Variants in GRM1 observed in about 807,000 individuals in gnomAD.
The protein encoded by GRM1 is metabotropic glutamate receptor 1.
In GRM1, 33 loss-of-function variants were observed where a neutral mutation model predicts 90.9. That is an observed-to-expected ratio of 0.36 (90% CI 0.28 to 0.49). GRM1 has a LOEUF of 0.49. Ranked by LOEUF, GRM1 falls within the 20% of genes least tolerant of loss-of-function variation. The pLI is 0.99. For synonymous variants in GRM1, 700 were observed against 613.2 expected (o/e 1.14, Z -2.09); for missense variants, 1,190 against 1,534.3 (o/e 0.78, Z 3.75).
intron 1 of GRM1, among the ~76,000 whole-genome samples, chr6:146,125,266 C>G (rs945409088): frequency 6.6e-6 from 1 of 152,090 alleles, no homozygotes; most frequent in South Asian, 2.1e-4. Context: ...TCAACTGTAA[C>G]AATTAAACAT....
At chr6:146,107,554 G>C (rs1486328243) in intron 1 of GRM1, among the ~76,000 whole-genome samples, 1 of 152,116 alleles carries the variant, frequency 6.6e-6, no homozygotes, top group Non-Finnish European at 1.5e-5. Context: ...AAATGGAACT[G>C]CAGTTGTCCC....
At chr6:146,149,017 T>A (rs1449027667) in intron 1 of GRM1, among the ~76,000 whole-genome samples, 3 of 152,228 alleles carry the variant, frequency 2.0e-5, no homozygotes, top group Non-Finnish European at 4.4e-5. Flanking sequence ...GATCTCCTTT[T>A]GTATTTTTAT....
rs1306096982 is a variant in GRM1, at chr6:146,260,000, CTA to C, written c.951-44609_951-44608del. On this transcript the variant is annotated intron_variant, in intron 2 of 7. Coordinates refer to ENST00000282753, the MANE Select transcript of GRM1 (RefSeq NM_001278064.2). The stretch of plus-strand genomic sequence containing the variant: ...TATATATATATATATGTTAGTGACA[CTA>C]TTTTATTTTTATTATTTTTTATTAT... 8.8e-5 allele frequency among the ~76,000 whole-genome samples: 13 copies of C among 148,450 alleles called. No homozygotes were observed. In the East Asian group the frequency reaches 9.8e-4, roughly 11 times the overall value.
chr6:146,361,615 A>G (rs1279436609), intron 5 of GRM1, among the ~76,000 whole-genome samples: 3 of 152,194 alleles, frequency 2.0e-5, no homozygotes, highest in African/African-American at 7.2e-5. Context: ...TGATTTACAG[A>G]CATCATTTCA....
At chr6:146,349,044 CTATTATTATTAT>C (rs71028388) in intron 3 of GRM1, among the ~76,000 whole-genome samples, 65 of 141,528 alleles carry the variant, frequency 4.6e-4, no homozygotes, top group South Asian at 1.4e-3. Context: ...GAAGTGGTAG[CTATTATTATTAT>C]TATTATTATT....
intron 1 of GRM1, among the ~76,000 whole-genome samples, chr6:146,117,766 G>C (rs960965146): frequency 6.6e-6 from 1 of 151,918 alleles, no homozygotes; most frequent in African/African-American, 2.4e-5. Context: ...CCCCCCATTT[G>C]CACATGTACA....
intron 5 of GRM1, among the ~76,000 whole-genome samples, chr6:146,361,261 G>C (rs1025484494): frequency 1.3e-5 from 2 of 152,208 alleles, no homozygotes; most frequent in Non-Finnish European, 2.9e-5. Context: ...GATGACAGAA[G>C]ATGAACGAGC....
chr6:146,087,610 C>T (rs1776589273), intron 1 of GRM1, among the ~76,000 whole-genome samples: 2 of 152,160 alleles, frequency 1.3e-5, no homozygotes, highest in Admixed American at 1.3e-4. Flanking sequence ...CTTACCTCAT[C>T]TCTAACCCCA....
intron 3 of GRM1, among the ~76,000 whole-genome samples, chr6:146,324,432 C>G (rs1391713448): frequency 3.3e-5 from 5 of 151,808 alleles, no homozygotes. Flanking sequence ...TCAGGCTCCA[C>G]TGGGGAAAAA....
At chr6:146,302,978 C>T (rs1422998700) in intron 2 of GRM1, among the ~76,000 whole-genome samples, 8 of 152,048 alleles carry the variant, frequency 5.3e-5, no homozygotes, top group Non-Finnish European at 8.8e-5. Flanking sequence ...GATTTGGAAG[C>T]ATATAAAAAA....
At chr6:146,416,325 A>G (rs1320160092) in intron 7 of GRM1, among the ~76,000 whole-genome samples, 1 of 152,088 alleles carries the variant, frequency 6.6e-6, no homozygotes, top group African/African-American at 2.4e-5. Context: ...ATTTATCAAA[A>G]TAATAATCAC....
At chr6:146,322,768 A>G (rs940773852) in intron 3 of GRM1, among the ~76,000 whole-genome samples, 4 of 151,142 alleles carry the variant, frequency 2.6e-5, no homozygotes, top group African/African-American at 9.7e-5. Context: ...CCCACCCCAC[A>G]GCAGTCCCCA....
chr6:146,091,115 G>T (rs1047047002), intron 1 of GRM1, among the ~76,000 whole-genome samples: 7 of 152,048 alleles, frequency 4.6e-5, no homozygotes, highest in Admixed American at 2.0e-4. Context: ...AGACAGAACT[G>T]CCCTGGTCAG....
intron 2 of GRM1, among the ~76,000 whole-genome samples, chr6:146,168,897 G>C (rs879413022): frequency 1.3e-5 from 2 of 152,004 alleles, no homozygotes; most frequent in Non-Finnish European, 2.9e-5. Flanking sequence ...CTAGTATTGA[G>C]TCATTTTATT....
At chr6:146,050,468 G>A (rs1791485630) in intron 1 of GRM1, among the ~76,000 whole-genome samples, 1 of 151,918 alleles carries the variant, frequency 6.6e-6, no homozygotes, top group Non-Finnish European at 1.5e-5. Context: ...GTAACTCCTG[G>A]AAATGATGAT....
intron 2 of GRM1, among the ~76,000 whole-genome samples, chr6:146,298,819 G>A (rs763641701): frequency 3.3e-5 from 5 of 152,106 alleles, no homozygotes; most frequent in South Asian, 2.1e-4. Context: ...AAATGGGACC[G>A]TCTTCTCGTA....
intron 1 of GRM1, among the ~76,000 whole-genome samples, chr6:146,104,272 C>G (rs1777149492): frequency 6.6e-6 from 1 of 151,994 alleles, no homozygotes; most frequent in Admixed American, 6.6e-5. Flanking sequence ...AACCCCGTCT[C>G]TACTAAAAAT....
chr6:146,301,299 T>C (rs1783369641), intron 2 of GRM1, among the ~76,000 whole-genome samples: 1 of 152,216 alleles, frequency 6.6e-6, no homozygotes. Context: ...AGACTTAGAA[T>C]TCCAGACCAC....
intron 7 of GRM1, among the ~76,000 whole-genome samples, chr6:146,413,449 A>T (rs1237341867): frequency 6.6e-6 from 1 of 152,134 alleles, no homozygotes; most frequent in Non-Finnish European, 1.5e-5. Context: ...CTTGAATTAC[A>T]GTCTTCAGCA....
Sources: gnomAD v4.1 joint callset for allele counts (sites outside exome capture counted in the v4.1 genomes callset) on GRCh38, gnomAD v4.1.1 for gene constraint, MANE v1.5 for transcripts, NCBI Gene and HGNC (gene_info 2026-07-23, HGNC 2026-07-21) for gene names.